Variants in NALF1 observed in about 807,000 individuals in gnomAD.
NALF1 encodes the protein family with sequence similarity 155 member A.
In NALF1, 3 loss-of-function variants were observed where a neutral mutation model predicts 48.4. The ratio of observed to expected loss-of-function variants is 0.06; its 90% CI spans 0.03 to 0.16. NALF1 has a LOEUF of 0.16. NALF1 is among the 10% of genes least tolerant of loss of function. The pLI is 1.00. For missense variants in NALF1, 526 were observed against 571.5 expected (o/e 0.92, Z 0.81); for synonymous variants, 262 against 245.7 (o/e 1.07, Z -0.62).
At chr13:107,523,201 C>G (rs16970572) in intron 1 of NALF1, among the ~76,000 whole-genome samples, 6,652 of 152,148 alleles carry the variant, frequency 0.044, 238 homozygotes, top group East Asian at 0.1. Flanking sequence ...CCATTGTTCT[C>G]CACATTTGCT....
chr13:107,390,735 C>G (rs1004889327), intron 1 of NALF1, among the ~76,000 whole-genome samples: 7 of 151,984 alleles, frequency 4.6e-5, no homozygotes, highest in Non-Finnish European at 8.8e-5. Flanking sequence ...AGGGACGGCA[C>G]AGAGAGATAA....
At chr13:107,203,627 A>G (rs903524566) in intron 2 of NALF1, among the ~76,000 whole-genome samples, 23 of 152,232 alleles carry the variant, frequency 1.5e-4, no homozygotes, top group Non-Finnish European at 3.1e-4. Flanking sequence ...GCCCCCTGAC[A>G]TCGTGATGGG....
At chr13:107,771,595 T>A (rs1045765216) in intron 1 of NALF1, among the ~76,000 whole-genome samples, 3 of 151,648 alleles carry the variant, frequency 2.0e-5, no homozygotes, top group Non-Finnish European at 4.4e-5. Context: ...GTTGGGAAAA[T>A]GAGGCTAGGA....
intron 1 of NALF1, among the ~76,000 whole-genome samples, chr13:107,259,263 A>G (rs7997068): frequency 0.12 from 17,732 of 152,122 alleles, 1,224 homozygotes; most frequent in African/African-American, 0.18. Flanking sequence ...CAAGTAACGG[A>G]TCTTCAATAA....
At chr13:107,843,377 C>T (rs1003095677) in intron 1 of NALF1, among the ~76,000 whole-genome samples, 3 of 152,218 alleles carry the variant, frequency 2.0e-5, no homozygotes, top group Admixed American at 6.5e-5. Flanking sequence ...ATATAGTTCA[C>T]GCTCCACTTA....
intron 1 of NALF1, among the ~76,000 whole-genome samples, chr13:107,714,572 T>G (rs1352623646): frequency 7.1e-6 from 1 of 140,262 alleles, no homozygotes; most frequent in African/African-American, 2.7e-5. Flanking sequence ...GAGGTTGCAG[T>G]GAGCCGAGAT....
intron 1 of NALF1, among the ~76,000 whole-genome samples, chr13:107,310,423 A>G (rs1391009006): frequency 6.6e-6 from 1 of 152,018 alleles, no homozygotes; most frequent in African/African-American, 2.4e-5. Context: ...AAAAAAAAAA[A>G]AAGTAATTTC....
intron 1 of NALF1, among the ~76,000 whole-genome samples, chr13:107,342,070 C>T (rs1882692373): frequency 6.6e-6 from 1 of 152,132 alleles, no homozygotes; most frequent in East Asian, 1.9e-4. Flanking sequence ...ACACAATTAG[C>T]TTATCAAATA....
chr13:107,241,219 G>A (rs536815681), intron 1 of NALF1, among the ~76,000 whole-genome samples: 1 of 151,900 alleles, frequency 6.6e-6, no homozygotes, highest in South Asian at 2.1e-4. Flanking sequence ...TTCTAAGTGT[G>A]TATATATATA....
intron 1 of NALF1, among the ~76,000 whole-genome samples, chr13:107,599,537 C>T (rs938296083): frequency 6.6e-6 from 1 of 152,078 alleles, no homozygotes; most frequent in Admixed American, 6.5e-5. Context: ...TTTCTGATGT[C>T]CCATTTTTCT....
At chr13:107,462,753 G>A (rs1594075746) in intron 1 of NALF1, among the ~76,000 whole-genome samples, 1 of 152,344 alleles carries the variant, frequency 6.6e-6, no homozygotes, top group East Asian at 1.9e-4. Context: ...CACTTTGTGG[G>A]TGTTGTCTCA....
chr13:107,695,013 A>C (rs1881667558), intron 1 of NALF1, among the ~76,000 whole-genome samples: 1 of 151,986 alleles, frequency 6.6e-6, no homozygotes, highest in African/African-American at 2.4e-5. Context: ...GGCTGGTCTC[A>C]AACTCCTGGC....
chr13:107,169,643 A>AT lies in NALF1; in HGVS notation c.*853dup, dbSNP rs1261394981. The AT allele has an allele frequency of 6.6e-6, 1 of 152,326 alleles. No homozygotes were observed. Among genetic ancestry groups the AT allele is most frequent in the African/African-American group, 2.4e-5 (1 of 41,430 alleles). The allele number at this position is 152,326 out of a possible 1,614,324, so 9.4% of individuals were successfully genotyped here. A position where few individuals can be genotyped will look rare whatever the true frequency, so the allele number is the denominator to read the frequency against. ...ATACAGTTCATGATAGTTTTTTTTA[A>AT]TTTTTTCCTTTTATTTTGTTTTCAA... On this transcript the variant is annotated 3_prime_UTR_variant, in exon 3 of 3. Transcript: ENST00000375915.
intron 1 of NALF1, among the ~76,000 whole-genome samples, chr13:107,432,457 T>C (rs1429023565): frequency 6.6e-6 from 1 of 152,208 alleles, no homozygotes; most frequent in Non-Finnish European, 1.5e-5. Flanking sequence ...AGCTTTAAAA[T>C]AGTAATGATG....
At chr13:107,574,086 A>C (rs1050176655) in intron 1 of NALF1, among the ~76,000 whole-genome samples, 1 of 152,192 alleles carries the variant, frequency 6.6e-6, no homozygotes, top group Non-Finnish European at 1.5e-5. Context: ...CCAGTGTAAG[A>C]GTTCTGTCTA....
At chr13:107,606,966 G>A (rs1879090828) in intron 1 of NALF1, among the ~76,000 whole-genome samples, 1 of 152,122 alleles carries the variant, frequency 6.6e-6, no homozygotes, top group Non-Finnish European at 1.5e-5. Context: ...CTCTGCTCTA[G>A]GCTGCTTATA....
chr13:107,826,091 C>T (rs752527332), intron 1 of NALF1, among the ~76,000 whole-genome samples: 1 of 152,040 alleles, frequency 6.6e-6, no homozygotes, highest in Non-Finnish European at 1.5e-5. Context: ...ATAACGAGTA[C>T]TATTTCTTAA....
At chr13:107,193,281 A>G (rs549364397) in intron 2 of NALF1, among the ~76,000 whole-genome samples, 1 of 152,328 alleles carries the variant, frequency 6.6e-6, no homozygotes, top group South Asian at 2.1e-4. Context: ...TATGTGAACA[A>G]AACGGCTAGA....
chr13:107,850,903 CA>C (rs540918534), intron 1 of NALF1, among the ~76,000 whole-genome samples: 26 of 141,692 alleles, frequency 1.8e-4, no homozygotes, highest in Non-Finnish European at 1.9e-4. Context: ...ACTCCATCTC[CA>C]AAAAAAAAAG....
Sources: gnomAD v4.1 joint callset for allele counts (sites outside exome capture counted in the v4.1 genomes callset) on GRCh38, gnomAD v4.1.1 for gene constraint, MANE v1.5 for transcripts, NCBI Gene and HGNC (gene_info 2026-07-23, HGNC 2026-07-21) for gene names.